Variants in MMP16 observed in about 807,000 individuals in gnomAD.
MMP16 encodes matrix metalloproteinase-16.
In MMP16, 12 loss-of-function variants were observed where a neutral mutation model predicts 67.8. The observed-to-expected ratio is 0.18, with a 90% CI of 0.11 to 0.29. MMP16 has a LOEUF of 0.29. MMP16 is among the 10% of genes least tolerant of loss of function. The pLI is 1.00. For missense variants in MMP16, 475 were observed against 765.7 expected, an observed-to-expected ratio of 0.62 and a Z score of 4.48; for synonymous variants, 249 against 255.9, an observed-to-expected ratio of 0.97 and a Z score of 0.26.
chr8:88,140,711 C>T (rs567405589), intron 4 of MMP16, among the ~76,000 whole-genome samples: 38 of 152,038 alleles, frequency 2.5e-4, no homozygotes, highest in African/African-American at 7.7e-4. Context: ...TCTTAATAAC[C>T]TTATTAAGCA....
At chr8:88,158,743 G>A (rs904791303) in intron 4 of MMP16, among the ~76,000 whole-genome samples, 1 of 152,156 alleles carries the variant, frequency 6.6e-6, no homozygotes, top group Admixed American at 6.6e-5. Flanking sequence ...CCTTGCCCAT[G>A]CCTATGTCCT....
At chr8:88,264,037 T>C (rs1472649768) in intron 1 of MMP16, among the ~76,000 whole-genome samples, 8 of 95,738 alleles carry the variant, frequency 8.4e-5, no homozygotes, top group South Asian at 4.0e-4. Flanking sequence ...ATGGCACATA[T>C]ATATATATAT....
At chr8:88,181,576 T>G (rs62524468) in intron 3 of MMP16, among the ~76,000 whole-genome samples, 1,714 of 151,254 alleles carry the variant, frequency 0.011, 12 homozygotes, top group Non-Finnish European at 0.019. Flanking sequence ...ATTTTATATA[T>G]TTAATATATA....
intron 1 of MMP16, among the ~76,000 whole-genome samples, chr8:88,300,653 A>T (rs926527082): frequency 2.6e-5 from 4 of 152,206 alleles, no homozygotes; most frequent in Non-Finnish European, 4.4e-5. Context: ...GTATGTACGT[A>T]CAGAAAAAAA....
intron 6 of MMP16, among the ~76,000 whole-genome samples, chr8:88,114,273 T>C (rs1467145984): frequency 6.6e-6 from 1 of 151,744 alleles, no homozygotes; most frequent in Admixed American, 6.6e-5. Context: ...TAGTAACATG[T>C]CTGTTTTTTC....
At chr8:88,255,485 A>G (rs1440466030) in intron 1 of MMP16, among the ~76,000 whole-genome samples, 1 of 152,132 alleles carries the variant, frequency 6.6e-6, no homozygotes, top group Admixed American at 6.6e-5. Context: ...TCGAAGACAC[A>G]CACACAAATT....
In MMP16 at chr8:88,041,361, C is replaced by T. The variant is rs899206219; in HGVS notation, c.*100G>A. 1.6e-6 allele frequency: 2 copies of T among 1,280,230 alleles called. No homozygotes were observed. Among genetic ancestry groups the T allele is most frequent in the African/African-American group, 1.5e-5 (1 of 67,128 alleles). 79.3% of individuals were successfully genotyped at this position (1,280,230 alleles called of 1,614,324 possible). A position where few individuals can be genotyped will look rare whatever the true frequency, so the allele number is the denominator to read the frequency against. On this transcript the variant is annotated 3_prime_UTR_variant, in exon 10 of 10. Transcript: ENST00000286614. This position sits in a 1 kb window ranked among gnomAD's most constrained non-coding sequence, Gnocchi z 6.0. Reference sequence around the variant, plus strand: ...AGGTCAGCCCCGAATCAGGCTGCCACAAGCCTGCTCCTAGCTAGGAAACAG... The same window carrying T: ...AGGTCAGCCCCGAATCAGGCTGCCATAAGCCTGCTCCTAGCTAGGAAACAG...
At chr8:88,113,502 G>A (rs1422367482) in intron 6 of MMP16, among the ~76,000 whole-genome samples, 1 of 151,836 alleles carries the variant, frequency 6.6e-6, no homozygotes, top group Non-Finnish European at 1.5e-5. Flanking sequence ...AATATTTGAA[G>A]AGACAGTCAA....
intron 7 of MMP16, among the ~76,000 whole-genome samples, chr8:88,074,248 T>C (rs1372837888): frequency 6.6e-6 from 1 of 152,054 alleles, no homozygotes; most frequent in African/African-American, 2.4e-5. Context: ...AAAATAGGAG[T>C]GTAATAGATT....
intron 8 of MMP16, among the ~76,000 whole-genome samples, chr8:88,048,777 A>G (rs999240025): frequency 1.3e-4 from 20 of 152,316 alleles, no homozygotes; most frequent in African/African-American, 4.6e-4. Flanking sequence ...GTGTTTTGCC[A>G]ACACATATTT....
At position 88,095,668 on chromosome 8, in the gene MMP16, C is replaced by T. The variant is rs141304619; in HGVS notation, c.1083+20839G>A. On this transcript the variant is annotated intron_variant, in intron 6 of 9. Transcript: ENST00000286614. ...CTCTCATAAATAATACGCTTCAAAA[C>T]CAAGTACAGCTCTTCCACCTGAATC... Among the ~76,000 whole-genome samples, 1,034 of 151,954 alleles carry T rather than the reference C, an allele frequency of 6.8e-3. 7 individuals are homozygous for T. Among genetic ancestry groups the T allele is most frequent in the Middle Eastern group, 0.017 (5 of 294 alleles).
At chr8:88,192,146 C>G (rs1043111735) in intron 2 of MMP16, among the ~76,000 whole-genome samples, 2 of 151,974 alleles carry the variant, frequency 1.3e-5, no homozygotes, top group Admixed American at 1.3e-4. Context: ...ATTTTAATTA[C>G]TTTAAAAAAT....
chr8:88,294,807 G>C (rs1192181644), intron 1 of MMP16, among the ~76,000 whole-genome samples: 2 of 152,166 alleles, frequency 1.3e-5, no homozygotes, highest in African/African-American at 2.4e-5. Flanking sequence ...TCTGCCTCTG[G>C]GTTCATGTTA....
chr8:88,100,551 T>C (rs914034380), intron 6 of MMP16, among the ~76,000 whole-genome samples: 1 of 152,008 alleles, frequency 6.6e-6, no homozygotes, highest in Admixed American at 6.6e-5. Context: ...AGTTCAACCA[T>C]TGTGGAAGAC....
At chr8:88,149,214 C>T (rs1431890595) in intron 4 of MMP16, among the ~76,000 whole-genome samples, 1 of 152,212 alleles carries the variant, frequency 6.6e-6, no homozygotes, top group African/African-American at 2.4e-5. Flanking sequence ...GGTCCTACAC[C>T]CACGGAATCT....
intron 1 of MMP16, among the ~76,000 whole-genome samples, chr8:88,204,810 T>C (rs1586203809): frequency 6.6e-6 from 1 of 152,206 alleles, no homozygotes; most frequent in East Asian, 1.9e-4. Flanking sequence ...CCTGAAAAGG[T>C]GAGAAAGCAG....
At chr8:88,076,263 A>G (rs1413417440) in intron 6 of MMP16, among the ~76,000 whole-genome samples, 1 of 152,182 alleles carries the variant, frequency 6.6e-6, no homozygotes, top group East Asian at 1.9e-4. Flanking sequence ...CCTAATTTAT[A>G]GCATGATTAC....
At chr8:88,216,058 A>G (rs1433276915) in intron 1 of MMP16, among the ~76,000 whole-genome samples, 1 of 152,208 alleles carries the variant, frequency 6.6e-6, no homozygotes, top group African/African-American at 2.4e-5. Flanking sequence ...ATTTTATCAC[A>G]AAAGACAATT....
chr8:88,076,778 A>T (rs761393529), intron 6 of MMP16, among the ~76,000 whole-genome samples: 6 of 152,192 alleles, frequency 3.9e-5, no homozygotes, highest in Non-Finnish European at 7.3e-5. Context: ...TGTAATGTAT[A>T]TGCCAAAATA....
Sources: gnomAD v4.1 joint callset for allele counts (sites outside exome capture counted in the v4.1 genomes callset) on GRCh38, gnomAD v4.1.1 for gene constraint, Gnocchi (gnomAD v3.1) non-coding constraint, MANE v1.5 for transcripts, NCBI Gene and HGNC (gene_info 2026-07-23, HGNC 2026-07-21) for gene names.